The following PDZD11 variants were observed in gnomAD, a reference collection of about 807,000 sequenced individuals.
PDZD11 encodes PDZ domain containing 11.
In PDZD11, 2 loss-of-function variants were observed where a neutral mutation model predicts 13.7. The observed-to-expected ratio is 0.15, with a 90% CI of 0.06 to 0.46. The LOEUF (loss-of-function observed/expected upper bound fraction) is 0.46, where lower values mean the gene tolerates loss of function less well. Ranked by LOEUF, PDZD11 falls within the 20% of genes least tolerant of loss-of-function variation. The pLI, the probability that PDZD11 is intolerant of heterozygous loss-of-function variation, is 0.98. For missense variants in PDZD11, 44 were observed against 111.7 expected (o/e 0.39, Z 2.73); for synonymous variants, 32 against 37.5 (o/e 0.85, Z 0.54).
At chrX:70,288,597 G>C in intron 2 of PDZD11, 84 bp from the exon 3 acceptor site, 1 of 746,630 alleles carries the variant, frequency 1.3e-6, no homozygotes, top group East Asian at 3.3e-5. Context: ...TTACCCTGAA[G>C]TCAGGAAAAG....
At chrX:70,289,413 G>C (rs1354961644) in intron 1 of PDZD11, 59 bp from the exon 2 acceptor site, 8 of 1,170,383 alleles carry the variant, frequency 6.8e-6, no homozygotes, top group Non-Finnish European at 9.2e-6. Flanking sequence ...AGCCCAGCAA[G>C]TTTCAGACAG....
intron 5 of PDZD11, 32 bp downstream of exon 5, chrX:70,287,700 T>G (rs2085727952): frequency 9.4e-7 from 1 of 1,066,936 alleles, no homozygotes; most frequent in African/African-American, 1.8e-5. Context: ...AGATGGCTTC[T>G]TGCAGCACCA....
At position 70,286,723 on chromosome X, in the gene PDZD11, G is replaced by A; in HGVS notation, c.*359C>T. Reference sequence around the variant, plus strand: ...GTGCAAGGATGGGATAAGATGGCCAGGGAAGTCAGATGGAAAATCCCCAAG... The same window carrying A: ...GTGCAAGGATGGGATAAGATGGCCAAGGAAGTCAGATGGAAAATCCCCAAG... On this transcript the variant is annotated 3_prime_UTR_variant, in exon 7 of 7. Transcript: ENST00000239666. 5.5e-6 allele frequency: 1 copy of A among 181,518 alleles called. No individual in the cohort carries two copies. The highest frequency in any genetic ancestry group is 1.0e-5 in the Non-Finnish European group (1 of 97,670). The allele number at this position is 181,518 out of a possible 1,213,427, so 15.0% of individuals were successfully genotyped here.
chrX:70,289,261 A>C lies in PDZD11; in HGVS notation c.81T>G (p.Pro27=), dbSNP rs2147652437. The C allele has an allele frequency of 1.7e-6, 2 of 1,206,277 alleles. No homozygotes were observed. Among genetic ancestry groups the C allele is most frequent in the East Asian group, 5.9e-5 (2 of 33,780 alleles). ...AYENPPAWIP[P]HERVHHPDYN... is the part of the protein sequence containing the mutation. ...GAATACAGATGGTTCCCACCTCATGAGGAGGAATCCATGCTGGAGGATTCT... is the reference window on the plus strand; with the variant it reads ...GAATACAGATGGTTCCCACCTCATGCGGAGGAATCCATGCTGGAGGATTCT... Residue 27 remains proline (P), a synonymous_variant, in exon 2 of 7, where the codon CCT becomes CCG. Coordinates refer to ENST00000239666, the MANE Select transcript of PDZD11 (RefSeq NM_016484.5).
intron 1 of PDZD11, 194 bp from the exon 2 acceptor site, chrX:70,289,548 G>A (rs2085744884): frequency 3.2e-6 from 2 of 623,231 alleles, no homozygotes; most frequent in Non-Finnish European, 4.7e-6. Flanking sequence ...TGGATGCCAA[G>A]CAACCTGTCA....
In PDZD11 at chrX:70,287,256, AAAAAG is replaced by A. The variant is rs1379503199; in HGVS notation, c.388+15_388+19del. On this transcript the variant is annotated intron_variant, in intron 6 of 6. Transcript: ENST00000239666. ...ACTTAGGGCCCTGTCAGGAAAGTGA[AAAAAG>A]AAAGTGGCACTTACTGTAGGGAAAG... The A allele has an allele frequency of 8.3e-7, 1 of 1,202,212 alleles. No homozygotes were observed. The highest frequency in any genetic ancestry group is 1.7e-5 in the African/African-American group (1 of 57,664).
chrX:70,289,112 A>G, intron 2 of PDZD11, 143 bp downstream of exon 2: 1 of 498,199 alleles, frequency 2.0e-6, no homozygotes, highest in Non-Finnish European at 3.4e-6. Context: ...TGTTGCTCAG[A>G]ATCCAGCTTC....
intron 3 of PDZD11, 85 bp from the exon 4 acceptor site, chrX:70,288,258 C>G: frequency 2.2e-6 from 2 of 905,616 alleles, no homozygotes; most frequent in Non-Finnish European, 3.2e-6. Flanking sequence ...AATAGCTCAG[C>G]TTGTGTGTCC....
rs772827029 is a variant in PDZD11 at position 70,289,622 on chromosome X, C to G, written c.-14+238G>C. ...CAAAACAGATGTTACCGTCTCAAACCTGGAGAAGAGGAAATCAGGGTCGAG... is the reference window on the plus strand; with the variant it reads ...CAAAACAGATGTTACCGTCTCAAACGTGGAGAAGAGGAAATCAGGGTCGAG... On this transcript the variant is annotated intron_variant, in intron 1 of 6. Coordinates refer to ENST00000239666, the MANE Select transcript of PDZD11 (RefSeq NM_016484.5). The G allele has an allele frequency of 3.8e-5, 13 of 341,827 alleles. No individual in the cohort carries two copies. In the East Asian group the frequency reaches 7.3e-4, roughly 19 times the overall value. 28.2% of individuals were successfully genotyped at this position (341,827 alleles called of 1,213,427 possible). A position where few individuals can be genotyped will look rare whatever the true frequency, so the allele number is the denominator to read the frequency against.
rs1238841679 is a variant in PDZD11, at chrX:70,286,632, C to A, written c.*450G>T. 1 of 124,392 alleles carries A rather than the reference C, an allele frequency of 8.0e-6. No homozygotes were observed. Among genetic ancestry groups the A allele is most frequent in the Non-Finnish European group, 1.6e-5 (1 of 60,677 alleles). 10.3% of individuals were successfully genotyped at this position (124,392 alleles called of 1,213,427 possible). ...TGTGTTTTACTTTTTGGGAGAGAGG[C>A]TAGGAGGAGGAAGGGGTGAAAACAG... On this transcript the variant is annotated 3_prime_UTR_variant, in exon 7 of 7. Transcript: ENST00000239666.
chrX:70,289,183 C>G, intron 2 of PDZD11, 72 bp downstream of exon 2: 1 of 872,553 alleles, frequency 1.1e-6, no homozygotes, highest in Non-Finnish European at 1.6e-6. Flanking sequence ...ACCCTGCTAT[C>G]CTACCTTTCA....
chrX:70,288,196 G>C, intron 3 of PDZD11, 23 bp from the exon 4 acceptor site: 1 of 1,183,379 alleles, frequency 8.5e-7, no homozygotes, highest in Non-Finnish European at 1.1e-6. Context: ...AGCACAGAAT[G>C]GGGGCTCAAT....
rs77338362 is a variant in PDZD11, at chrX:70,289,089, T to A, written c.87+166A>T. Reference sequence around the variant, plus strand: ...TAGCAGGAGGCTTCCATAAAGAAGTTCCCAATGGGTCCTGTTGCTCAGAAT... The same window carrying A: ...TAGCAGGAGGCTTCCATAAAGAAGTACCCAATGGGTCCTGTTGCTCAGAAT... On this transcript the variant is annotated intron_variant, in intron 2 of 6. Transcript: ENST00000239666. Among the ~76,000 whole-genome samples the A allele has an allele frequency of 1.6e-3, 178 of 111,840 alleles. No homozygotes were observed. The East Asian group carries it at 0.023, about 14-fold the overall frequency.
chrX:70,287,988 G>T, intron 4 of PDZD11, 129 bp downstream of exon 4: 1 of 702,729 alleles, frequency 1.4e-6, no homozygotes, highest in Non-Finnish European at 2.2e-6. Context: ...GTGGGAAAGG[G>T]GGTGTCTCCA....
At chrX:70,289,449 C>T in intron 1 of PDZD11, 95 bp from the exon 2 acceptor site, 1 of 1,156,430 alleles carries the variant, frequency 8.6e-7, no homozygotes, top group South Asian at 2.0e-5. Context: ...CCAAGGCAGT[C>T]AGTCTACAGG....
At chrX:70,287,542 G>A (rs1254336981) in intron 5 of PDZD11, among the ~76,000 whole-genome samples, 190 bp downstream of exon 5, 1 of 111,168 alleles carries the variant, frequency 9.0e-6, no homozygotes, top group Non-Finnish European at 1.9e-5. Context: ...TGCGTTGCCT[G>A]GGCTGGTCTT....
In PDZD11 at chrX:70,287,897, G is replaced by A. The variant is rs1602731353; in HGVS notation, c.229-67C>T. ...TTTCAGAAGACTGTCAGTGAAATTC[G>A]GTGCTATTCAAATGTATGGTGCTAT... is the stretch of plus-strand genomic sequence containing the variant. On this transcript the variant is annotated intron_variant, in intron 4 of 6. Coordinates refer to ENST00000239666, the MANE Select transcript of PDZD11 (RefSeq NM_016484.5). 7 of 881,150 alleles carry A rather than the reference G, an allele frequency of 7.9e-6. No individual in the cohort carries two copies. In the East Asian group the frequency reaches 1.9e-4, roughly 23 times the overall value. 72.6% of individuals were successfully genotyped at this position (881,150 alleles called of 1,213,427 possible).
chrX:70,287,207 G>C, intron 6 of PDZD11, 69 bp downstream of exon 6: 1 of 1,150,252 alleles, frequency 8.7e-7, no homozygotes, highest in Non-Finnish European at 1.2e-6. Context: ...AGGGCCTCTA[G>C]TCATCAGTAT....
At chrX:70,288,545 C>T in intron 2 of PDZD11, 32 bp from the exon 3 acceptor site, 1 of 1,095,626 alleles carries the variant, frequency 9.1e-7, no homozygotes, top group Non-Finnish European at 1.3e-6. Flanking sequence ...GAAATTTTAC[C>T]AGTCTTACTT....
Sources: allele counts gnomAD v4.1 joint callset (sites outside exome capture counted in the v4.1 genomes callset), GRCh38; gene constraint gnomAD v4.1.1; transcripts MANE v1.5; gene names NCBI Gene and HGNC (gene_info 2026-07-23, HGNC 2026-07-21).